The following CCDC39 variants were observed in gnomAD, a reference collection of about 807,000 sequenced individuals.
CCDC39 encodes coiled-coil domain-containing protein 39.
CCDC39 carries 113 observed loss-of-function variants against 121.0 expected under a neutral mutation model. The observed-to-expected ratio is 0.93, with a 90% CI of 0.80 to 1.09. The LOEUF is 1.09. Among genes scored for constraint, CCDC39 ranks in the 50% least tolerant of loss-of-function variants. The pLI, the probability that CCDC39 is intolerant of heterozygous loss-of-function variation, is 0.00. For synonymous variants in CCDC39, 349 were observed against 352.2 expected (o/e 0.99, Z 0.10); for missense variants, 1,063 against 1,074.7 (o/e 0.99, Z 0.15).
chr3:180,678,215 C>T (rs1317617138), intron 1 of CCDC39, among the ~76,000 whole-genome samples: 1 of 152,176 alleles, frequency 6.6e-6, no homozygotes, highest in Non-Finnish European at 1.5e-5. Flanking sequence ...TTCCTCGGTA[C>T]TCAGTGCTAG....
Position 180,627,871 on chromosome 3 carries a change from C to T in CCDC39, c.1998+3598G>A, listed in dbSNP as rs114474572. ...GTTGATATCCCAACCTGTGGTACCCCAGAAGGTGACCTTATTTGGAAATAG... is the reference window on the plus strand; with the variant it reads ...GTTGATATCCCAACCTGTGGTACCCTAGAAGGTGACCTTATTTGGAAATAG... On this transcript the variant is annotated intron_variant, in intron 14 of 19. Transcript: ENST00000476379. Among the ~76,000 whole-genome samples the T allele has an allele frequency of 3.2e-3, 488 of 152,228 alleles. 9 individuals carry two copies. The highest frequency in any genetic ancestry group is 0.011 in the African/African-American group (459 of 41,536).
chr3:180,618,932 ATTTTG>A (rs1234508084), intron 16 of CCDC39, among the ~76,000 whole-genome samples: 1 of 152,072 alleles, frequency 6.6e-6, no homozygotes, highest in Non-Finnish European at 1.5e-5. Context: ...CTTTCAAACT[ATTTTG>A]TTTTAAGGAG....
intron 13 of CCDC39, among the ~76,000 whole-genome samples, chr3:180,637,571 T>C (rs1347109926): frequency 1.3e-5 from 2 of 152,124 alleles, no homozygotes; most frequent in African/African-American, 2.4e-5. Flanking sequence ...AGAAATCCCA[T>C]TACCGGGTAT....
intron 16 of CCDC39, chr3:180,617,310 T>C (rs774676695): frequency 1.1e-4 from 53 of 489,446 alleles, no homozygotes; most frequent in Non-Finnish European, 1.7e-4. Context: ...TGCATAATAC[T>C]TGATAGTGAT....
intron 6 of CCDC39, among the ~76,000 whole-genome samples, chr3:180,658,686 T>C (rs193024298): frequency 1.3e-3 from 197 of 152,072 alleles, no homozygotes; most frequent in African/African-American, 4.5e-3. Flanking sequence ...GTTTTGTTGA[T>C]AAAATGTTGG....
At chr3:180,619,786 TA>T (rs377564125) in intron 15 of CCDC39, 24 bp downstream of exon 15, 126 of 1,414,124 alleles carry the variant, frequency 8.9e-5, no homozygotes, top group Admixed American at 5.2e-4. Context: ...TATATATGTA[TA>T]AAAAAAAGTT....
intron 11 of CCDC39, among the ~76,000 whole-genome samples, chr3:180,644,495 T>G (rs1421484186): frequency 1.3e-5 from 2 of 152,174 alleles, no homozygotes; most frequent in Non-Finnish European, 2.9e-5. Flanking sequence ...AGTTCAGTAA[T>G]TCTAGGCAAT....
At chr3:180,677,659 C>T (rs1252175864) in intron 1 of CCDC39, among the ~76,000 whole-genome samples, 1 of 151,984 alleles carries the variant, frequency 6.6e-6, no homozygotes, top group Non-Finnish European at 1.5e-5. Context: ...ACTGCTTTTT[C>T]TTCTCTCAAA....
intron 16 of CCDC39, chr3:180,617,680 G>A (rs1717300158): frequency 2.5e-6 from 1 of 394,200 alleles, no homozygotes; most frequent in Non-Finnish European, 4.5e-6. Flanking sequence ...ATATTTTTGT[G>A]CAGTTGAACA....
intron 14 of CCDC39, among the ~76,000 whole-genome samples, chr3:180,626,370 G>A (rs1376806585): frequency 6.6e-6 from 1 of 152,118 alleles, no homozygotes; most frequent in Non-Finnish European, 1.5e-5. Flanking sequence ...GGTTCTGGCT[G>A]TGACAGTCAA....
intron 6 of CCDC39, among the ~76,000 whole-genome samples, chr3:180,656,289 A>T (rs950854499): frequency 2.6e-5 from 4 of 152,232 alleles, no homozygotes; most frequent in Non-Finnish European, 5.9e-5. Flanking sequence ...AGTGCTATGC[A>T]TCATAAAATT....
intron 11 of CCDC39, among the ~76,000 whole-genome samples, chr3:180,645,208 T>C (rs1197999759): frequency 1.3e-5 from 2 of 152,134 alleles, no homozygotes; most frequent in Admixed American, 6.6e-5. Flanking sequence ...GCTTGACACA[T>C]AGAAGTGCCA....
chr3:180,643,184 C>T (rs1235394945), intron 12 of CCDC39, among the ~76,000 whole-genome samples: 2 of 152,042 alleles, frequency 1.3e-5, no homozygotes, highest in East Asian at 1.9e-4. Context: ...TGGTCTCGAT[C>T]TCCTGACCTC....
intron 9 of CCDC39, among the ~76,000 whole-genome samples, 179 bp from the exon 10 acceptor site, chr3:180,648,538 T>C (rs1198235616): frequency 6.6e-6 from 1 of 152,232 alleles, no homozygotes; most frequent in Non-Finnish European, 1.5e-5. Context: ...GTTTATTCTA[T>C]TCTAGTAGAC....
intron 12 of CCDC39, 94 bp downstream of exon 12, chr3:180,644,026 T>C (rs1023016750): frequency 1.1e-6 from 1 of 901,226 alleles, no homozygotes; most frequent in Non-Finnish European, 1.6e-6. Flanking sequence ...TAGTGACATT[T>C]TCTTTTTCAT....
At chr3:180,624,202 A>C (rs1269699575) in intron 14 of CCDC39, among the ~76,000 whole-genome samples, 1 of 151,914 alleles carries the variant, frequency 6.6e-6, no homozygotes, top group Non-Finnish European at 1.5e-5. Flanking sequence ...TACTGTTTTG[A>C]TTTAATATCT....
chr3:180,654,894 G>T lies in CCDC39; in HGVS notation c.798C>A (p.Ile266=). The T allele has an allele frequency of 7.5e-6, 12 of 1,590,724 alleles. No homozygotes were observed. The highest frequency in any genetic ancestry group is 1.0e-5 in the Non-Finnish European group (12 of 1,171,568). The change falls in exon 7 of 20, where the codon ATC becomes ATA. Residue 266 remains isoleucine (I), a synonymous_variant. Transcript: ENST00000476379. Reference sequence around the variant, plus strand: ...TCCCAATCTCACTTTCCAAAAACTTGATCTTTTCTTTAACCAAATTTTCTT... The same window carrying T: ...TCCCAATCTCACTTTCCAAAAACTTTATCTTTTCTTTAACCAAATTTTCTT... ...REKENLVKEK[I]KFLESEIGNN...
At chr3:180,617,253 C>G (rs1387170969) in intron 16 of CCDC39, 2 of 471,142 alleles carry the variant, frequency 4.2e-6, no homozygotes, top group Admixed American at 3.7e-5. Flanking sequence ...GTAAACAAAC[C>G]TGCATTGCCA....
chr3:180,631,485 G>T lies in CCDC39; in HGVS notation c.1982C>A (p.Ala661Asp), dbSNP rs79040862. 6.2e-7 allele frequency: 1 copy of T among 1,605,174 alleles called. No individual in the cohort carries two copies. The highest frequency in any genetic ancestry group is 2.2e-5 in the East Asian group (1 of 44,846). ...PPEGEEEKTQAYYVIKAAQEK... is the reference protein window; with the variant it reads ...PPEGEEEKTQDYYVIKAAQEK... ...TAAAATTACCTTTATTACATAATAGGCCTGTGTTTTCTCCTCTTCTCCTTC... is the reference window on the plus strand; with the variant it reads ...TAAAATTACCTTTATTACATAATAGTCCTGTGTTTTCTCCTCTTCTCCTTC... The change falls in exon 14 of 20, where the codon GCC becomes GAC. Residue 661 changes from alanine to aspartate, a missense_variant. Ala to Asp is a moderately radical substitution (Grantham distance 126). Coordinates refer to ENST00000476379, the MANE Select transcript of CCDC39 (RefSeq NM_181426.2).
Sources: allele counts gnomAD v4.1 joint callset (sites outside exome capture counted in the v4.1 genomes callset), GRCh38; gene constraint gnomAD v4.1.1; transcripts MANE v1.5; gene names NCBI Gene and HGNC (gene_info 2026-07-23, HGNC 2026-07-21).